Variants in ST6GALNAC3 observed in about 807,000 individuals in gnomAD.
The protein encoded by ST6GALNAC3 is ST6 N-acetylgalactosaminide alpha-2,6-sialyltransferase 3.
ST6GALNAC3 carries 25 observed loss-of-function variants against 32.7 expected under a neutral mutation model. The observed-to-expected ratio is 0.76, with a 90% confidence interval of 0.56 to 1.07. ST6GALNAC3 has a LOEUF of 1.07. ST6GALNAC3 is among the 50% of genes least tolerant of loss of function. The pLI is 0.00. For missense variants in ST6GALNAC3, 355 were observed against 382.4 expected (o/e 0.93, Z 0.60); for synonymous variants, 129 against 133.1 (o/e 0.97, Z 0.21).
chr1:76,268,447 G>T (rs961181574), intron 1 of ST6GALNAC3, among the ~76,000 whole-genome samples: 1 of 152,164 alleles, frequency 6.6e-6, no homozygotes, highest in African/African-American at 2.4e-5. Flanking sequence ...ACAATGTGTG[G>T]GACCTTTCCT....
intron 3 of ST6GALNAC3, among the ~76,000 whole-genome samples, chr1:76,466,039 A>C (rs1441223740): frequency 4.6e-5 from 7 of 152,008 alleles, no homozygotes; most frequent in Admixed American, 3.3e-4. Context: ...ATGTTTTATG[A>C]CTCTTGGTAT....
chr1:76,511,704 C>G (rs1231885716), intron 3 of ST6GALNAC3, among the ~76,000 whole-genome samples: 1 of 152,108 alleles, frequency 6.6e-6, no homozygotes, highest in Non-Finnish European at 1.5e-5. Flanking sequence ...TGCCTTTTTG[C>G]CATTCAGAGA....
At chr1:76,390,946 A>ATTTTTTTTTTTTTT (rs58114434) in intron 2 of ST6GALNAC3, among the ~76,000 whole-genome samples, 23 of 121,058 alleles carry the variant, frequency 1.9e-4, no homozygotes, top group Admixed American at 5.7e-4. Context: ...ATATATATGT[A>ATTTTTTTTTTTTTT]TTTTTTTTTT....
intron 3 of ST6GALNAC3, among the ~76,000 whole-genome samples, chr1:76,428,363 G>C (rs1157570216): frequency 6.6e-6 from 1 of 152,098 alleles, no homozygotes; most frequent in African/African-American, 2.4e-5. Flanking sequence ...TTAGGAAAGA[G>C]TTGGGGACTT....
Position 76,109,691 on chromosome 1 carries a change from C to T in ST6GALNAC3, c.18+34807C>T, listed in dbSNP as rs894823054. ...TCTGCGTTGCTTGCTCCTGGCATTG[C>T]CTGCCTGCCAGGGCACCACACAAGA... is the stretch of plus-strand genomic sequence containing the variant. On this transcript the variant is annotated intron_variant, in intron 1 of 4. Transcript: ENST00000328299. Among the ~76,000 whole-genome samples, 5 of 152,350 alleles carry T rather than the reference C, an allele frequency of 3.3e-5. No homozygotes were observed. The Middle Eastern group carries it at 0.014, about 415-fold the overall frequency.
At chr1:76,504,058 C>T (rs1002940324) in intron 3 of ST6GALNAC3, among the ~76,000 whole-genome samples, 2 of 152,110 alleles carry the variant, frequency 1.3e-5, no homozygotes, top group Admixed American at 1.3e-4. Flanking sequence ...ATAGAAAATT[C>T]GGTGGCTTAA....
intron 1 of ST6GALNAC3, among the ~76,000 whole-genome samples, chr1:76,153,482 G>T (rs141537516): frequency 1.3e-5 from 2 of 152,254 alleles, no homozygotes; most frequent in African/African-American, 4.8e-5. Context: ...CTGCCTGTGC[G>T]TGCGAAATTA....
At chr1:76,177,172 C>T (rs1347612645) in intron 1 of ST6GALNAC3, among the ~76,000 whole-genome samples, 1 of 151,970 alleles carries the variant, frequency 6.6e-6, no homozygotes, top group East Asian at 1.9e-4. Flanking sequence ...AAATTGGAAA[C>T]AAAAGTCTTT....
At chr1:76,270,864 G>T (rs777190997) in intron 1 of ST6GALNAC3, among the ~76,000 whole-genome samples, 14 of 152,204 alleles carry the variant, frequency 9.2e-5, no homozygotes, top group Non-Finnish European at 1.9e-4. Context: ...GGTTTTGGGG[G>T]CAGGGGCTGA....
At chr1:76,579,246 C>T (rs539615134) in intron 3 of ST6GALNAC3, among the ~76,000 whole-genome samples, 5 of 152,084 alleles carry the variant, frequency 3.3e-5, no homozygotes, top group African/African-American at 7.2e-5. Flanking sequence ...CTCTATGCAT[C>T]GATCACCAGC....
At chr1:76,251,400 A>T (rs1038760009) in intron 1 of ST6GALNAC3, among the ~76,000 whole-genome samples, 1 of 152,088 alleles carries the variant, frequency 6.6e-6, no homozygotes, top group African/African-American at 2.4e-5. Context: ...GTTATTCTTC[A>T]GTGCCTGGAG....
chr1:76,176,334 T>A (rs1406147845), intron 1 of ST6GALNAC3, among the ~76,000 whole-genome samples: 1 of 152,220 alleles, frequency 6.6e-6, no homozygotes, highest in African/African-American at 2.4e-5. Context: ...TTGGTTTGAC[T>A]TACAGCCTGC....
intron 3 of ST6GALNAC3, among the ~76,000 whole-genome samples, chr1:76,433,145 C>T (rs1010746841): frequency 2.6e-5 from 4 of 152,148 alleles, no homozygotes; most frequent in Non-Finnish European, 4.4e-5. Flanking sequence ...TTTGAGACAG[C>T]CTGATTTGAT....
chr1:76,297,322 A>T (rs1312835152), intron 1 of ST6GALNAC3, among the ~76,000 whole-genome samples: 2 of 152,060 alleles, frequency 1.3e-5, no homozygotes, highest in African/African-American at 4.8e-5. Context: ...AGATTATTTC[A>T]TTCATTTAAT....
chr1:76,244,229 C>G (rs1017307717), intron 1 of ST6GALNAC3, among the ~76,000 whole-genome samples: 2 of 151,878 alleles, frequency 1.3e-5, no homozygotes, highest in African/African-American at 4.8e-5. Context: ...GGAGTTTATT[C>G]ATGATTTGGT....
chr1:76,529,083 AGGCTGATT>A (rs1033369251), intron 3 of ST6GALNAC3, among the ~76,000 whole-genome samples: 3 of 151,984 alleles, frequency 2.0e-5, no homozygotes, highest in African/African-American at 7.2e-5. Flanking sequence ...ATGAAGATGA[AGGCTGATT>A]GGTGTTTTCT....
intron 1 of ST6GALNAC3, among the ~76,000 whole-genome samples, chr1:76,112,973 G>A (rs1341916463): frequency 6.6e-6 from 1 of 152,082 alleles, no homozygotes; most frequent in African/African-American, 2.4e-5. Context: ...GCACTTTGGG[G>A]GGCCAAGGCA....
At chr1:76,473,477 T>A (rs964532190) in intron 3 of ST6GALNAC3, among the ~76,000 whole-genome samples, 7 of 152,196 alleles carry the variant, frequency 4.6e-5, no homozygotes, top group Non-Finnish European at 8.8e-5. Context: ...AATAAATGAT[T>A]GATTATATTC....
intron 1 of ST6GALNAC3, among the ~76,000 whole-genome samples, chr1:76,271,141 T>C (rs2100755722): frequency 6.6e-6 from 1 of 152,326 alleles, no homozygotes; most frequent in African/African-American, 2.4e-5. Flanking sequence ...TCCTTCTTGT[T>C]TGAACTCATG....
Sources: gnomAD v4.1 joint callset for allele counts (sites outside exome capture counted in the v4.1 genomes callset) on GRCh38, gnomAD v4.1.1 for gene constraint, MANE v1.5 for transcripts, NCBI Gene and HGNC (gene_info 2026-07-23, HGNC 2026-07-21) for gene names.